Variants in DNER observed in about 807,000 individuals in gnomAD.
The protein encoded by DNER is delta/notch like EGF repeat containing, also known as delta and Notch-like epidermal growth factor-related receptor.
A neutral mutation model predicts 78.2 loss-of-function variants in DNER; 33 were observed. That is an observed-to-expected ratio of 0.42 (90% CI 0.32 to 0.56). The LOEUF (loss-of-function observed/expected upper bound fraction) is 0.56. DNER is among the 20% of genes least tolerant of loss of function. The pLI, the probability that DNER is intolerant of heterozygous loss-of-function variation, is 0.11. For missense variants in DNER, 918 were observed against 975.3 expected (o/e 0.94, Z 0.78); for synonymous variants, 417 against 384.8 (o/e 1.08, Z -0.98).
chr2:229,608,693 G>T (rs549400854), intron 1 of DNER, among the ~76,000 whole-genome samples: 2 of 152,286 alleles, frequency 1.3e-5, no homozygotes, highest in South Asian at 4.1e-4. Context: ...ACCCAACTTG[G>T]AAGAATCATT....
At chr2:229,634,314 A>G (rs140246717) in intron 1 of DNER, among the ~76,000 whole-genome samples, 2 of 152,036 alleles carry the variant, frequency 1.3e-5, no homozygotes, top group African/African-American at 4.8e-5. Flanking sequence ...GCTTTCTCTG[A>G]AATATTATCT....
At chr2:229,506,687 A>G (rs562729287) in intron 6 of DNER, among the ~76,000 whole-genome samples, 4 of 83,262 alleles carry the variant, frequency 4.8e-5, no homozygotes, top group Non-Finnish European at 7.0e-5. Flanking sequence ...ACCCCACCAC[A>G]GGCCCCGGTG....
At chr2:229,550,502 C>T (rs1006390150) in intron 4 of DNER, among the ~76,000 whole-genome samples, 9 of 152,018 alleles carry the variant, frequency 5.9e-5, no homozygotes, top group Admixed American at 3.3e-4. Flanking sequence ...GTTGGCCGGG[C>T]GCAGTGGCTC....
chr2:229,615,948 G>A (rs1180066481), intron 1 of DNER, among the ~76,000 whole-genome samples: 1 of 152,174 alleles, frequency 6.6e-6, no homozygotes, highest in Non-Finnish European at 1.5e-5. Context: ...GGCCAGCGTG[G>A]CATGGAATGC....
At chr2:229,698,927 G>A (rs1327350372) in intron 1 of DNER, among the ~76,000 whole-genome samples, 3 of 152,068 alleles carry the variant, frequency 2.0e-5, no homozygotes, top group Admixed American at 1.3e-4. Flanking sequence ...AATGAAGATA[G>A]AGGGTCACAA....
intron 7 of DNER, 56 bp from the exon 8 acceptor site, chr2:229,447,596 C>T: frequency 6.5e-7 from 1 of 1,533,278 alleles, no homozygotes; most frequent in South Asian, 1.2e-5. Flanking sequence ...CACATAATAA[C>T]TAATCAACTG....
chr2:229,564,508 C>T (rs1317698829), intron 4 of DNER, among the ~76,000 whole-genome samples: 2 of 149,744 alleles, frequency 1.3e-5, no homozygotes, highest in Non-Finnish European at 3.0e-5. Flanking sequence ...TCACCATCAT[C>T]ATCATCCTCC....
chr2:229,441,454 T>C (rs1204836880), intron 8 of DNER, among the ~76,000 whole-genome samples: 1 of 152,106 alleles, frequency 6.6e-6, no homozygotes, highest in Non-Finnish European at 1.5e-5. Context: ...GTGTCTCAAT[T>C]AGAAGGTGTT....
At chr2:229,570,622 C>T (rs1220997663) in intron 4 of DNER, among the ~76,000 whole-genome samples, 1 of 19,128 alleles carries the variant, frequency 5.2e-5, no homozygotes, top group Admixed American at 7.2e-4. Flanking sequence ...AAAACTCCAT[C>T]TCAAAAAAAA....
chr2:229,377,427 A>G (rs1692633496), intron 11 of DNER, among the ~76,000 whole-genome samples: 1 of 152,232 alleles, frequency 6.6e-6, no homozygotes, highest in African/African-American at 2.4e-5. Flanking sequence ...TGATTTTTAG[A>G]CCTTGATTCT....
intron 11 of DNER, among the ~76,000 whole-genome samples, chr2:229,387,516 AAAGAAAGAAAG>A (rs761367074): frequency 0.035 from 3,283 of 93,728 alleles, 75 homozygotes; most frequent in Non-Finnish European, 0.05. Flanking sequence ...AGAGAGAAAG[AAAGAAAGAAAG>A]AAAGAAAGAA....
At chr2:229,427,523 CT>C (rs1162440124) in intron 8 of DNER, among the ~76,000 whole-genome samples, 1 of 151,998 alleles carries the variant, frequency 6.6e-6, no homozygotes, top group East Asian at 1.9e-4. Flanking sequence ...AAAATCATAA[CT>C]GGGAAGTATA....
At chr2:229,703,781 G>T (rs949016040) in intron 1 of DNER, among the ~76,000 whole-genome samples, 1 of 149,288 alleles carries the variant, frequency 6.7e-6, no homozygotes, top group Non-Finnish European at 1.5e-5. Context: ...GGAGGCTGAG[G>T]TGGGAGGATT....
At chr2:229,536,908 A>C (rs1200432484) in intron 5 of DNER, among the ~76,000 whole-genome samples, 1 of 152,018 alleles carries the variant, frequency 6.6e-6, no homozygotes, top group Non-Finnish European at 1.5e-5. Context: ...CTGTACCCTC[A>C]TTTTCTCAAA....
chr2:229,513,618 C>T (rs1295813359), intron 5 of DNER, among the ~76,000 whole-genome samples: 3 of 152,164 alleles, frequency 2.0e-5, no homozygotes, highest in African/African-American at 7.2e-5. Context: ...TTTCTGTCCC[C>T]TTCTTAATGA....
chr2:229,520,231 A>G lies in DNER; in HGVS notation c.994-7295T>C, dbSNP rs111505799. Among the ~76,000 whole-genome samples, 9 of 152,296 alleles carry G rather than the reference A, an allele frequency of 5.9e-5. 1 individual carries two copies. The highest frequency in any genetic ancestry group is 1.9e-4 in the African/African-American group (8 of 41,552). On this transcript the variant is annotated intron_variant, in intron 5 of 12. Transcript: ENST00000341772. ...ATCTTCTCCTCCTTCTTCCGTGTCT[A>G]TCTCTGATATCCTGGGTTTGGCTGT... is the stretch of plus-strand genomic sequence containing the variant.
In DNER at chr2:229,498,583, T is replaced by C. The variant is rs148398613; in HGVS notation, c.1147+14200A>G. ...TTCAGTAAATATGGAGGATACAAAA[T>C]GAACATACAAAATGCAGTAGCATTT... On this transcript the variant is annotated intron_variant, in intron 6 of 12. Coordinates refer to ENST00000341772, the MANE Select transcript of DNER (RefSeq NM_139072.4). Among the ~76,000 whole-genome samples the C allele has an allele frequency of 7.1e-4, 108 of 152,260 alleles. No individual in the cohort carries two copies. In the East Asian group the frequency reaches 0.019, roughly 27 times the overall value.
Position 229,358,466 on chromosome 2 carries a change from A to C in DNER, c.*74T>G. On this transcript the variant is annotated 3_prime_UTR_variant, in exon 13 of 13. Coordinates refer to ENST00000341772, the MANE Select transcript of DNER (RefSeq NM_139072.4). ...GAGCAGCTAGCATTTTAAATTTCTTAAGCTTTTTATTTTCTTAAAAATATT... is the reference window on the plus strand; with the variant it reads ...GAGCAGCTAGCATTTTAAATTTCTTCAGCTTTTTATTTTCTTAAAAATATT... 8.3e-7 allele frequency: 1 copy of C among 1,199,022 alleles called. No individual in the cohort carries two copies. Among genetic ancestry groups the C allele is most frequent in the South Asian group, 1.9e-5 (1 of 51,876 alleles). 74.3% of individuals were successfully genotyped at this position (1,199,022 alleles called of 1,614,324 possible).
chr2:229,405,870 G>A (rs1277449970), intron 10 of DNER, among the ~76,000 whole-genome samples: 4 of 151,810 alleles, frequency 2.6e-5, no homozygotes, highest in Non-Finnish European at 5.9e-5. Flanking sequence ...TTTACTCATG[G>A]GATAAGAATA....
Sources: allele counts gnomAD v4.1 joint callset (sites outside exome capture counted in the v4.1 genomes callset), GRCh38; gene constraint gnomAD v4.1.1; transcripts MANE v1.5; gene names NCBI Gene and HGNC (gene_info 2026-07-23, HGNC 2026-07-21).